PKHD1: variants seen among roughly 807,000 people sequenced by gnomAD.
PKHD1 encodes the protein PKHD1 ciliary IPT domain containing fibrocystin/polyductin, also known as fibrocystin.
In PKHD1, 291 loss-of-function variants were observed where a neutral mutation model predicts 412.0. That is an observed-to-expected ratio of 0.71 (90% CI 0.64 to 0.78). The LOEUF (loss-of-function observed/expected upper bound fraction) is 0.78. Among genes scored for constraint, PKHD1 ranks in the 30% least tolerant of loss-of-function variants. The probability of loss-of-function intolerance (pLI) is 0.00; values close to 1 mark genes in which losing one functional copy is unlikely to be tolerated. For synonymous variants in PKHD1, 1,777 were observed against 1,821.5 expected, an observed-to-expected ratio of 0.98 and a Z score of 0.62; for missense variants, 4,825 against 4,950.7, an observed-to-expected ratio of 0.97 and a Z score of 0.76.
intron 5 of PKHD1, among the ~76,000 whole-genome samples, chr6:52,077,429 G>C (rs1443936402): frequency 6.6e-6 from 1 of 152,076 alleles, no homozygotes; most frequent in Non-Finnish European, 1.5e-5. Context: ...ATCCCTTCTA[G>C]ATGCCTAGAC....
intron 45 of PKHD1, among the ~76,000 whole-genome samples, chr6:51,885,584 T>G (rs577698115): frequency 9.2e-5 from 14 of 152,262 alleles, no homozygotes; most frequent in African/African-American, 2.9e-4. Context: ...CTCCCCTGAT[T>G]ATAAATCTTT....
At position 52,058,655 on chromosome 6, in the gene PKHD1, T is replaced by C. The variant is rs1031081959; in HGVS notation, c.1234-54A>G. On this transcript the variant is annotated intron_variant, in intron 15 of 66. Transcript: ENST00000371117. ...ATACTATGCAGCTTCCAGGCATCTC[T>C]TTCTCAAACACTAAGTGTCTGAACT... is the stretch of plus-strand genomic sequence containing the variant. 10 of 1,557,828 alleles carry C rather than the reference T, an allele frequency of 6.4e-6. No individual in the cohort carries two copies. In the African/African-American group the frequency reaches 9.5e-5, roughly 15 times the overall value.
chr6:51,759,546 G>GAA (rs200774314), intron 55 of PKHD1, among the ~76,000 whole-genome samples: 76 of 151,644 alleles, frequency 5.0e-4, no homozygotes, highest in African/African-American at 1.5e-3. Context: ...TTCTCCAGTA[G>GAA]AAAAAAAAGA....
At chr6:51,821,252 C>A (rs888960309) in intron 52 of PKHD1, among the ~76,000 whole-genome samples, 2 of 152,162 alleles carry the variant, frequency 1.3e-5, no homozygotes, top group African/African-American at 4.8e-5. Flanking sequence ...CAGTGCAAAT[C>A]ATAGAATATG....
chr6:51,828,251 T>G (rs1478262653), intron 52 of PKHD1, among the ~76,000 whole-genome samples: 4 of 152,092 alleles, frequency 2.6e-5, no homozygotes, highest in Non-Finnish European at 5.9e-5. Context: ...TCTGATTTCC[T>G]GCAAAGCTTC....
At chr6:51,931,275 C>A (rs1032936761) in intron 37 of PKHD1, among the ~76,000 whole-genome samples, 1 of 152,192 alleles carries the variant, frequency 6.6e-6, no homozygotes, top group Non-Finnish European at 1.5e-5. Flanking sequence ...TGAATCTCCT[C>A]ATTATGTTAT....
chr6:52,076,325 C>T lies in PKHD1; in HGVS notation c.399G>A (p.Lys133=). ...PRDSCTFKFS[K]AQTPIVHQVY... ...CTTGGTGAACGATGGGTGTCTGCGC[C>T]TTGGAAAACTGTTTAGAAAATAGTA... The change falls in exon 6 of 67, where the codon AAG becomes AAA. Residue 133 remains lysine, a synonymous_variant. Coordinates refer to ENST00000371117, the MANE Select transcript of PKHD1 (RefSeq NM_138694.4). 2 of 1,612,312 alleles carry T rather than the reference C, an allele frequency of 1.2e-6. No individual in the cohort carries two copies. Among genetic ancestry groups the T allele is most frequent in the Middle Eastern group, 1.7e-4 (1 of 6,054 alleles).
chr6:51,850,350 T>C lies in PKHD1; in HGVS notation c.7912-2380A>G, dbSNP rs1771968061. Among the ~76,000 whole-genome samples, 3 of 152,352 alleles carry C rather than the reference T, an allele frequency of 2.0e-5. No homozygotes were observed. The South Asian group carries it at 6.2e-4, about 32-fold the overall frequency. ...TGTGATGCCTCCAGCTTTGTTCTTT[T>C]GCTTAGGATTGTCTTGGCTATACAG... On this transcript the variant is annotated intron_variant, in intron 49 of 66. Transcript: ENST00000371117.
chr6:51,932,012 G>A (rs528513824), intron 37 of PKHD1, among the ~76,000 whole-genome samples: 1 of 152,112 alleles, frequency 6.6e-6, no homozygotes, highest in African/African-American at 2.4e-5. Flanking sequence ...GAAAGAGGAA[G>A]GAGGAGATGG....
At chr6:51,651,782 T>C (rs965471192) in intron 61 of PKHD1, among the ~76,000 whole-genome samples, 1 of 152,138 alleles carries the variant, frequency 6.6e-6, no homozygotes, top group African/African-American at 2.4e-5. Flanking sequence ...CAAGCAATGA[T>C]GGGCCACTTA....
intron 20 of PKHD1, 47 bp downstream of exon 20, chr6:52,053,991 C>A: frequency 6.2e-7 from 1 of 1,609,994 alleles, no homozygotes; most frequent in Admixed American, 1.7e-5. Context: ...ACAGTGAATC[C>A]TCCCAGCTGA....
intron 55 of PKHD1, among the ~76,000 whole-genome samples, chr6:51,764,662 C>G (rs952101831): frequency 3.9e-5 from 6 of 151,968 alleles, no homozygotes; most frequent in African/African-American, 1.4e-4. Flanking sequence ...TTGGAACCAA[C>G]CCAAATGTCC....
chr6:51,750,440 C>T (rs1225603975), intron 57 of PKHD1, among the ~76,000 whole-genome samples: 6 of 152,094 alleles, frequency 3.9e-5, no homozygotes, highest in Non-Finnish European at 7.4e-5. Flanking sequence ...TCTGTCAAGG[C>T]AACATGTCAG....
At chr6:51,778,598 C>T (rs1791452117) in intron 53 of PKHD1, among the ~76,000 whole-genome samples, 1 of 151,992 alleles carries the variant, frequency 6.6e-6, no homozygotes, top group African/African-American at 2.4e-5. Context: ...CAATGTGTTC[C>T]AGATGCTAAA....
chr6:51,801,481 A>G (rs1762898691), intron 52 of PKHD1, among the ~76,000 whole-genome samples: 1 of 151,240 alleles, frequency 6.6e-6, no homozygotes, highest in Non-Finnish European at 1.5e-5. Context: ...CATCAAATCC[A>G]CACAGGTGGT....
chr6:51,858,255 A>T (rs1773612857), intron 48 of PKHD1, among the ~76,000 whole-genome samples: 1 of 152,186 alleles, frequency 6.6e-6, no homozygotes, highest in Admixed American at 6.5e-5. Context: ...AAAGCTTTAG[A>T]ATGTTAAATT....
chr6:51,899,541 C>A (rs1357062494), intron 43 of PKHD1, among the ~76,000 whole-genome samples: 1 of 151,176 alleles, frequency 6.6e-6, no homozygotes, highest in Non-Finnish European at 1.5e-5. Context: ...CTATCTATGA[C>A]AAACCCACAG....
At chr6:51,937,388 T>C (rs1787683735) in intron 36 of PKHD1, among the ~76,000 whole-genome samples, 1 of 152,236 alleles carries the variant, frequency 6.6e-6, no homozygotes. Context: ...CCCCAGGCCA[T>C]GGTCACTGAA....
intron 61 of PKHD1, among the ~76,000 whole-genome samples, chr6:51,651,131 G>A (rs928674936): frequency 6.6e-6 from 1 of 152,052 alleles, no homozygotes; most frequent in African/African-American, 2.4e-5. Context: ...CTGAACACCC[G>A]CTAAAAGGTC....
Sources: allele counts gnomAD v4.1 joint callset (sites outside exome capture counted in the v4.1 genomes callset), GRCh38; gene constraint gnomAD v4.1.1; transcripts MANE v1.5; gene names NCBI Gene and HGNC (gene_info 2026-07-23, HGNC 2026-07-21).